SPATA31D1: variants seen among roughly 807,000 people sequenced by gnomAD.
SPATA31D1 encodes the protein spermatogenesis-associated protein 31D1.
Under a neutral mutation model 13.2 loss-of-function variants are expected in SPATA31D1, and 6 were observed. That is an observed-to-expected ratio of 0.46 (90% CI 0.25 to 0.90). The LOEUF is 0.90. Among genes scored for constraint, SPATA31D1 ranks in the 40% least tolerant of loss-of-function variants. The pLI, the probability that SPATA31D1 is intolerant of heterozygous loss-of-function variation, is 0.18. For missense variants in SPATA31D1, 2,445 were observed against 1,884.7 expected (o/e 1.30, Z -5.50); for synonymous variants, 903 against 718.8 (o/e 1.26, Z -4.10).
Position 81,990,485 on chromosome 9 carries a change from A to T in SPATA31D1, c.301A>T (p.Ser101Cys), listed in dbSNP as rs1175960528. The part of the protein sequence containing the change: ...EERKLLSLLK[S>C]FGPPVSCSPR... ...AAGGAAGCTGCTTTCTCTTCTGAAA[A>T]GGTGATTAATCTTTCCCTTTGTGTC... The change falls in exon 3 of 4, where the codon AGC becomes TGC. Residue 101 changes from serine to cysteine, a missense_variant and splice_region_variant. By Grantham distance (112) the Ser-to-Cys change is moderately radical. Transcript: ENST00000344803. 6.2e-7 allele frequency: 1 copy of T among 1,603,472 alleles called. No individual in the cohort carries two copies. The highest frequency in any genetic ancestry group is 8.5e-7 in the Non-Finnish European group (1 of 1,174,540).
chr9:81,987,480 CT>C (rs1201299996), upstream of SPATA31D1, among the ~76,000 whole-genome samples: 1 of 152,168 alleles, frequency 6.6e-6, no homozygotes, highest in Non-Finnish European at 1.5e-5. Context: ...AATCCTCAAG[CT>C]TGACCCAAAT....
Position 81,992,740 on chromosome 9 carries a change from A to C in SPATA31D1, c.2270A>C (p.His757Pro). Residue 757 changes from histidine (H) to proline (P), a missense_variant, in exon 4 of 4, where the codon CAC becomes CCC. By Grantham distance (77) the His-to-Pro change is moderately conservative. Transcript: ENST00000344803. ...KSASSFPRSF[H>P]ERSSNMLSME... ...GCATCAAGCTTCCCTAGAAGCTTCC[A>C]CGAGAGGAGCTCAAATATGCTTTCC... is the stretch of plus-strand genomic sequence containing the variant. 6.2e-7 allele frequency: 1 copy of C among 1,613,838 alleles called. No individual in the cohort carries two copies.
At position 81,993,594 on chromosome 9, in the gene SPATA31D1, T is replaced by C. The variant is rs777823485; in HGVS notation, c.3124T>C (p.Ser1042Pro). 3 of 1,613,844 alleles carry C rather than the reference T, an allele frequency of 1.9e-6. No homozygotes were observed. Among genetic ancestry groups the C allele is most frequent in the South Asian group, 1.1e-5 (1 of 91,074 alleles). The change falls in exon 4 of 4, where the codon TCA becomes CCA. Residue 1042 changes from serine to proline, a missense_variant. Ser to Pro is a moderately conservative substitution (Grantham distance 74). Coordinates refer to ENST00000344803, the MANE Select transcript of SPATA31D1 (RefSeq NM_001001670.3). ...FQSEKLDSTS[S>P]FPILGHSYLV... is the part of the protein sequence containing the mutation. ...AAGCGAAAAATTAGATTCAACAAGCTCATTCCCCATCCTCGGTCATTCTTA... is the reference window on the plus strand; with the variant it reads ...AAGCGAAAAATTAGATTCAACAAGCCCATTCCCCATCCTCGGTCATTCTTA...
Position 81,993,315 on chromosome 9 carries a change from A to C in SPATA31D1, c.2845A>C (p.Thr949Pro), listed in dbSNP as rs781076731. The stretch of plus-strand genomic sequence containing the variant: ...CCATTTCGACCTTCCCTCCTCAGCC[A>C]CCTTCATCTCTCAGGGAGATTCCAA... ...FSHFDLPSSA[T>P]FISQGDSKDG... The change falls in exon 4 of 4, where the codon ACC (threonine) becomes CCC (proline). Residue 949 changes from threonine (T) to proline (P), a missense_variant. Thr to Pro is a conservative substitution (Grantham distance 38). Coordinates refer to ENST00000344803, the MANE Select transcript of SPATA31D1 (RefSeq NM_001001670.3). 26 of 1,613,704 alleles carry C rather than the reference A, an allele frequency of 1.6e-5. No homozygotes were observed. The highest frequency in any genetic ancestry group is 3.3e-4 in the Middle Eastern group (2 of 6,084).
Position 81,993,277 on chromosome 9 carries a change from C to A in SPATA31D1, c.2807C>A (p.Ser936Tyr). The A allele has an allele frequency of 6.2e-7, 1 of 1,613,992 alleles. No individual in the cohort carries two copies. Among genetic ancestry groups the A allele is most frequent in the Non-Finnish European group, 8.5e-7 (1 of 1,179,880 alleles). ...IEIFKSKADL[S>Y]TSFSHFDLPS... is the part of the protein sequence containing the mutation. ...ATCTTCAAATCGAAAGCGGACCTTTCCACTTCCTTTTCCCATTTCGACCTT... is the reference window on the plus strand; with the variant it reads ...ATCTTCAAATCGAAAGCGGACCTTTACACTTCCTTTTCCCATTTCGACCTT... The change falls in exon 4 of 4, where the codon TCC becomes TAC. Residue 936 changes from serine to tyrosine, a missense_variant. Coordinates refer to ENST00000344803, the MANE Select transcript of SPATA31D1 (RefSeq NM_001001670.3).
chr9:81,993,847 C>G lies in SPATA31D1; in HGVS notation c.3377C>G (p.Ser1126Ter). ...PIMQAGAGCE[S>*]WDKRKSSFHN... Reference sequence around the variant, plus strand: ...ATGCAAGCTGGAGCTGGCTGTGAGTCATGGGATAAGAGAAAGAGTTCCTTT... The same window carrying G: ...ATGCAAGCTGGAGCTGGCTGTGAGTGATGGGATAAGAGAAAGAGTTCCTTT... The change falls in exon 4 of 4, where the codon TCA becomes TGA. Residue 1126 changes from serine (S) to a stop codon, truncating the protein, a stop_gained. Coordinates refer to ENST00000344803, the MANE Select transcript of SPATA31D1 (RefSeq NM_001001670.3). LOFTEE classifies it low-confidence loss of function (END_TRUNC). 1 of 1,613,944 alleles carries G rather than the reference C, an allele frequency of 6.2e-7. No homozygotes were observed. The highest frequency in any genetic ancestry group is 1.3e-5 in the African/African-American group (1 of 75,044).
At position 81,991,323 on chromosome 9, in the gene SPATA31D1, G is replaced by A. The variant is rs770260787; in HGVS notation, c.853G>A (p.Ala285Thr). Reference protein sequence around the residue: ...GSTLCQDISQAMNPIDSCARH... With the variant: ...GSTLCQDISQTMNPIDSCARH... ...CACCCTATGCCAAGATATTTCGCAG[G>A]CCATGAATCCCATTGATTCTTGTGC... Residue 285 changes from alanine to threonine, a missense_variant, in exon 4 of 4, where the codon GCC (alanine) becomes ACC (threonine). By Grantham distance (58) the Ala-to-Thr change is moderately conservative. Coordinates refer to ENST00000344803, the MANE Select transcript of SPATA31D1 (RefSeq NM_001001670.3). 1.2e-6 allele frequency: 2 copies of A among 1,613,990 alleles called. No homozygotes were observed. Among genetic ancestry groups the A allele is most frequent in the Non-Finnish European group, 1.7e-6 (2 of 1,179,902 alleles).
At chr9:81,989,713 AAT>A in intron 1 of SPATA31D1, 63 bp from the exon 2 acceptor site, 1 of 1,525,364 alleles carries the variant, frequency 6.6e-7, no homozygotes, top group Non-Finnish European at 9.1e-7. Flanking sequence ...TGAATGAATG[AAT>A]GAGCTTCATA....
In SPATA31D1 at chr9:81,994,467, G is replaced by A. The variant is rs778462236; in HGVS notation, c.3997G>A (p.Gly1333Arg). 6 of 1,613,250 alleles carry A rather than the reference G, an allele frequency of 3.7e-6. No homozygotes were observed. The highest frequency in any genetic ancestry group is 3.4e-6 in the Non-Finnish European group (4 of 1,179,598). ...VHNKTSGEVLGSKSSPTLKTQ... is the reference protein window; with the variant it reads ...VHNKTSGEVLRSKSSPTLKTQ... ...TAACAAGACATCAGGGGAGGTGCTT[G>A]GGAGCAAATCTTCCCCAACCTTGAA... Residue 1333 changes from glycine (G) to arginine (R), a missense_variant, in exon 4 of 4, where the codon GGG becomes AGG. Physicochemically the swap from Gly to Arg is moderately radical, Grantham distance 125 (BLOSUM62 -2). Coordinates refer to ENST00000344803, the MANE Select transcript of SPATA31D1 (RefSeq NM_001001670.3).
In SPATA31D1 at chr9:81,993,490, A is replaced by T. The variant is rs200557343; in HGVS notation, c.3020A>T (p.Asp1007Val). ...GQGTLRRQFS[D>V]TDHDLIETDS... Reference sequence around the variant, plus strand: ...GGGACCCTGAGAAGACAATTTTCTGATACTGACCATGACCTTATAGAGACA... The same window carrying T: ...GGGACCCTGAGAAGACAATTTTCTGTTACTGACCATGACCTTATAGAGACA... Residue 1007 changes from aspartate (D) to valine (V), a missense_variant, in exon 4 of 4, where the codon GAT becomes GTT. By Grantham distance (152) the Asp-to-Val change is radical. Transcript: ENST00000344803. 3.0e-4 allele frequency: 490 copies of T among 1,613,804 alleles called. No homozygotes were observed. The highest frequency in any genetic ancestry group is 3.8e-4 in the Non-Finnish European group (443 of 1,179,900).
chr9:81,991,418 A>C lies in SPATA31D1; in HGVS notation c.948A>C (p.Ser316=). The change falls in exon 4 of 4, where the codon TCA becomes TCC. Residue 316 remains serine, a synonymous_variant. Transcript: ENST00000344803. ...ATTGCACTGTGACTCAGTCTAAATC[A>C]AGTCTCACCATCTTGAAGACTTTTC... ...PEDCTVTQSK[S]SLTILKTFPE... is the part of the protein sequence containing the mutation. 1.9e-6 allele frequency: 3 copies of C among 1,613,998 alleles called. No homozygotes were observed. The highest frequency in any genetic ancestry group is 2.5e-6 in the Non-Finnish European group (3 of 1,179,886).
At position 81,992,679 on chromosome 9, in the gene SPATA31D1, G is replaced by T; in HGVS notation, c.2209G>T (p.Val737Phe). 2 of 1,613,804 alleles carry T rather than the reference G, an allele frequency of 1.2e-6. No homozygotes were observed. Among genetic ancestry groups the T allele is most frequent in the African/African-American group, 1.3e-5 (1 of 75,044 alleles). Residue 737 changes from valine (V) to phenylalanine (F), a missense_variant, in exon 4 of 4, where the codon GTT becomes TTT. Physicochemically the swap from Val to Phe is conservative, Grantham distance 50 (BLOSUM62 -1). Coordinates refer to ENST00000344803, the MANE Select transcript of SPATA31D1 (RefSeq NM_001001670.3). Reference protein sequence around the residue: ...RIHGPLNISLVEGQRCNVLKK... With the variant: ...RIHGPLNISLFEGQRCNVLKK... ...TCATGGACCGTTAAATATCTCTTTGGTTGAGGGTCAGAGGTGCAATGTTCT... is the reference window on the plus strand; with the variant it reads ...TCATGGACCGTTAAATATCTCTTTGTTTGAGGGTCAGAGGTGCAATGTTCT...
intron 2 of SPATA31D1, 164 bp downstream of exon 2, chr9:81,989,987 T>G (rs1824919462): frequency 1.3e-6 from 1 of 744,400 alleles, no homozygotes; most frequent in Admixed American, 2.9e-5. Flanking sequence ...CCTGAGACAC[T>G]GCTCAGAGGC....
In SPATA31D1 at chr9:81,990,428, T is replaced by A. The variant is rs1380655089; in HGVS notation, c.244T>A (p.Trp82Arg). Residue 82 changes from tryptophan (W) to arginine (R), a missense_variant, in exon 3 of 4, where the codon TGG (tryptophan) becomes AGG (arginine). Transcript: ENST00000344803. ...KGGTFKGFPDWKSFQREEEEE... is the reference protein window; with the variant it reads ...KGGTFKGFPDRKSFQREEEEE... ...AACATACTATTCAGGTTTCCCAGACTGGAAAAGTTTCCAGAGAGAAGAGGA... is the reference window on the plus strand; with the variant it reads ...AACATACTATTCAGGTTTCCCAGACAGGAAAAGTTTCCAGAGAGAAGAGGA... 3.7e-6 allele frequency: 6 copies of A among 1,606,900 alleles called. No homozygotes were observed. In the Admixed American group the frequency reaches 1.0e-4, roughly 27 times the overall value.
Position 81,992,258 on chromosome 9 carries a change from A to G in SPATA31D1, c.1788A>G (p.Leu596=), listed in dbSNP as rs1427913012. The G allele has an allele frequency of 2.5e-6, 4 of 1,613,748 alleles. No homozygotes were observed. The highest frequency in any genetic ancestry group is 2.5e-6 in the Non-Finnish European group (3 of 1,179,714). ...SPFRALLPSP[L]FLIRICGVCF... Reference sequence around the variant, plus strand: ...TCCGAGCCCTACTACCTAGTCCTCTATTCCTGATTAGGATCTGTGGAGTGT... The same window carrying G: ...TCCGAGCCCTACTACCTAGTCCTCTGTTCCTGATTAGGATCTGTGGAGTGT... The change falls in exon 4 of 4, where the codon CTA becomes CTG. Residue 596 remains leucine (L), a synonymous_variant. Coordinates refer to ENST00000344803, the MANE Select transcript of SPATA31D1 (RefSeq NM_001001670.3).
Position 81,992,823 on chromosome 9 carries a change from C to G in SPATA31D1, c.2353C>G (p.Leu785Val). 1 of 1,613,798 alleles carries G rather than the reference C, an allele frequency of 6.2e-7. No individual in the cohort carries two copies. The highest frequency in any genetic ancestry group is 8.5e-7 in the Non-Finnish European group (1 of 1,179,722). ...CCAGGAGACTGTCCCAAAAGATCAC[C>G]TGTTGCATGGTCCGGAGACTTCTTC... is the stretch of plus-strand genomic sequence containing the variant. ...YSQETVPKDH[L>V]LHGPETSSDK... The change falls in exon 4 of 4, where the codon CTG (leucine) becomes GTG (valine). Residue 785 changes from leucine (L) to valine (V), a missense_variant. Leu to Val is a conservative substitution (Grantham distance 32, BLOSUM62 1). Transcript: ENST00000344803.
chr9:81,994,711 A>G lies in SPATA31D1; in HGVS notation c.4241A>G (p.Glu1414Gly). The G allele has an allele frequency of 6.2e-7, 1 of 1,613,854 alleles. No homozygotes were observed. The highest frequency in any genetic ancestry group is 8.5e-7 in the Non-Finnish European group (1 of 1,179,830). ...KIRKDTREFL[E>G]EKLGHRHGID... ...AGGAAAGACACTAGGGAGTTCCTAGAAGAGAAGCTGGGGCATAGGCATGGG... is the reference window on the plus strand; with the variant it reads ...AGGAAAGACACTAGGGAGTTCCTAGGAGAGAAGCTGGGGCATAGGCATGGG... The change falls in exon 4 of 4, where the codon GAA (glutamate) becomes GGA (glycine). Residue 1414 changes from glutamate to glycine, a missense_variant. Coordinates refer to ENST00000344803, the MANE Select transcript of SPATA31D1 (RefSeq NM_001001670.3).
At position 81,992,123 on chromosome 9, in the gene SPATA31D1, A is replaced by G. The variant is rs773173678; in HGVS notation, c.1653A>G (p.Gln551=). Residue 551 remains glutamine (Q), a synonymous_variant, in exon 4 of 4, where the codon CAA becomes CAG. Transcript: ENST00000344803. The part of the protein sequence containing the change: ...SHESPVLPPP[Q]PLSLPSTQPL... ...AATCCCCAGTACTTCCCCCTCCCCA[A>G]CCTCTGTCCTTGCCTAGTACCCAAC... 55 of 1,613,204 alleles carry G rather than the reference A, an allele frequency of 3.4e-5. No homozygotes were observed. Among genetic ancestry groups the G allele is most frequent in the East Asian group, 6.7e-5 (3 of 44,872 alleles).
At chr9:81,989,978 C>A in intron 2 of SPATA31D1, 155 bp downstream of exon 2, 2 of 795,788 alleles carry the variant, frequency 2.5e-6, no homozygotes, top group Non-Finnish European at 3.9e-6. Context: ...GCAATCAGAC[C>A]TGAGACACTG....
Sources: allele counts gnomAD v4.1 joint callset (sites outside exome capture counted in the v4.1 genomes callset), GRCh38; gene constraint gnomAD v4.1.1; transcripts MANE v1.5; gene names NCBI Gene and HGNC (gene_info 2026-07-23, HGNC 2026-07-21).